FLNB: variants seen among roughly 807,000 people sequenced by gnomAD.
The protein encoded by FLNB is filamin-B.
FLNB carries 111 observed loss-of-function variants against 250.6 expected under a neutral mutation model. The observed-to-expected ratio is 0.44, with a 90% CI of 0.38 to 0.52. FLNB has a LOEUF of 0.52. Among genes scored for constraint, FLNB ranks in the 20% least tolerant of loss-of-function variants. The probability of loss-of-function intolerance (pLI) is 0.00; values close to 1 mark genes in which losing one functional copy is unlikely to be tolerated. For synonymous variants in FLNB, 1,302 were observed against 1,372.1 expected, an observed-to-expected ratio of 0.95 and a Z score of 1.13; for missense variants, 2,869 against 3,447.8, an observed-to-expected ratio of 0.83 and a Z score of 4.20.
chr3:58,108,056 C>T (rs2097262497), intron 12 of FLNB, among the ~76,000 whole-genome samples: 1 of 151,590 alleles, frequency 6.6e-6, no homozygotes. Context: ...CTGGGCCACA[C>T]TGGAAGGAGA....
chr3:58,020,706 A>G (rs1384155187), intron 1 of FLNB, among the ~76,000 whole-genome samples: 1 of 138,724 alleles, frequency 7.2e-6, no homozygotes, highest in African/African-American at 2.9e-5. Flanking sequence ...AGTTTTCTGG[A>G]ATTTCCTTTC....
chr3:58,113,456 G>C (rs56143512), intron 18 of FLNB, among the ~76,000 whole-genome samples: 2 of 151,806 alleles, frequency 1.3e-5, no homozygotes, highest in Non-Finnish European at 2.9e-5. Flanking sequence ...GCAGTCAAGA[G>C]TCAAGTGGGG....
chr3:58,029,506 CTTTTT>C (rs548364805), intron 1 of FLNB, among the ~76,000 whole-genome samples: 1 of 136,500 alleles, frequency 7.3e-6, no homozygotes, highest in African/African-American at 2.7e-5. Flanking sequence ...AATGAGAATT[CTTTTT>C]TTTTTTTTTT....
chr3:58,062,975 C>T (rs1056353196), intron 1 of FLNB, among the ~76,000 whole-genome samples: 8 of 152,176 alleles, frequency 5.3e-5, no homozygotes, highest in South Asian at 2.1e-4. Context: ...ATGGGACAGT[C>T]GTCAGGCAGT....
In FLNB at chr3:58,148,684, C is replaced by T. The variant is rs772706980; in HGVS notation, c.5923C>T (p.Leu1975=). The part of the protein sequence containing the change: ...SFIPREVGEH[L]VSIKKNGNHV... The stretch of plus-strand genomic sequence containing the variant: ...CATCCCCCGGGAAGTGGGCGAACAT[C>T]TGGTCAGCATCAAGAAAAATGGCAA... The change falls in exon 36 of 46, where the codon CTG becomes TTG. Residue 1975 remains leucine, a synonymous_variant. Transcript: ENST00000295956. The T allele has an allele frequency of 1.2e-6, 2 of 1,614,140 alleles. No homozygotes were observed. The highest frequency in any genetic ancestry group is 2.2e-5 in the South Asian group (2 of 91,076).
chr3:58,118,772 C>A, intron 18 of FLNB, 100 bp from the exon 19 acceptor site: 1 of 856,120 alleles, frequency 1.2e-6, no homozygotes, highest in South Asian at 1.3e-5. Flanking sequence ...AATCAAGTCT[C>A]CCCTGTCCGT....
At position 58,053,219 on chromosome 3, in the gene FLNB, GTC is replaced by G. The variant is rs200417533; in HGVS notation, c.293-23825_293-23824del. ...ATGTGATAAACAGGTTTTTAGGTAA[GTC>G]TGTTAATTTCAGAAAGACATTATTA... On this transcript the variant is annotated intron_variant, in intron 1 of 45. Coordinates refer to ENST00000295956, the MANE Select transcript of FLNB (RefSeq NM_001457.4). Among the ~76,000 whole-genome samples the G allele has an allele frequency of 5.9e-5, 9 of 152,260 alleles. No homozygotes were observed. The East Asian group carries it at 1.2e-3, about 20-fold the overall frequency.
At chr3:58,115,551 C>T (rs189066978) in intron 18 of FLNB, among the ~76,000 whole-genome samples, 11 of 152,294 alleles carry the variant, frequency 7.2e-5, no homozygotes, top group African/African-American at 2.2e-4. Context: ...AGCCTAGGTC[C>T]GGTTTTGTCC....
rs553376663 is a variant in FLNB, at chr3:58,129,079, G to C, written c.4223-1662G>C. ...CTGCCACCTTCTAATTTGCTTTCATGGTAATTCTGGGTGCTTAAATATTAG... is the reference window on the plus strand; with the variant it reads ...CTGCCACCTTCTAATTTGCTTTCATCGTAATTCTGGGTGCTTAAATATTAG... On this transcript the variant is annotated intron_variant, in intron 24 of 45. Coordinates refer to ENST00000295956, the MANE Select transcript of FLNB (RefSeq NM_001457.4). Among the ~76,000 whole-genome samples the C allele has an allele frequency of 3.3e-5, 5 of 152,330 alleles. No homozygotes were observed. In the South Asian group the frequency reaches 1.0e-3, roughly 32 times the overall value.
chr3:58,097,769 G>T, intron 6 of FLNB, 46 bp from the exon 7 acceptor site: 1 of 1,581,228 alleles, frequency 6.3e-7, no homozygotes, highest in Non-Finnish European at 8.7e-7. Flanking sequence ...GTCTTGCTGG[G>T]CACAGAGAAG....
At chr3:58,153,315 C>T (rs775463204) in intron 38 of FLNB, 60 bp from the exon 39 acceptor site, 10 of 1,598,292 alleles carry the variant, frequency 6.3e-6, no homozygotes, top group Non-Finnish European at 8.6e-6. Context: ...GCATGTCCTG[C>T]CCTGTCTCAG....
intron 4 of FLNB, among the ~76,000 whole-genome samples, chr3:58,082,189 G>A (rs1160031732): frequency 6.6e-6 from 1 of 152,172 alleles, no homozygotes; most frequent in African/African-American, 2.4e-5. Flanking sequence ...CGGAGTGGGA[G>A]CTATTGTTAA....
intron 1 of FLNB, among the ~76,000 whole-genome samples, chr3:58,030,796 C>T (rs531137582): frequency 1.3e-5 from 2 of 152,170 alleles, no homozygotes; most frequent in East Asian, 3.9e-4. Flanking sequence ...ATCACTTGAG[C>T]CTGGGCACAG....
At chr3:58,118,578 G>A (rs1394549037) in intron 18 of FLNB, among the ~76,000 whole-genome samples, 1 of 152,188 alleles carries the variant, frequency 6.6e-6, no homozygotes, top group African/African-American at 2.4e-5. Flanking sequence ...CCTTAGGACT[G>A]TTTTGATCTT....
At chr3:58,156,390 A>G (rs1217925686) in intron 41 of FLNB, among the ~76,000 whole-genome samples, 4 of 152,254 alleles carry the variant, frequency 2.6e-5, no homozygotes, top group Non-Finnish European at 5.9e-5. Context: ...AGGGATAACA[A>G]GGGCTTTCAA....
chr3:58,091,870 G>C (rs1356782318), intron 4 of FLNB, among the ~76,000 whole-genome samples: 2 of 152,170 alleles, frequency 1.3e-5, no homozygotes, highest in African/African-American at 4.8e-5. Context: ...ATGTTGCTGA[G>C]ACTGGGATCT....
At chr3:58,016,378 C>G (rs1231983208) in intron 1 of FLNB, among the ~76,000 whole-genome samples, 4 of 151,832 alleles carry the variant, frequency 2.6e-5, no homozygotes, top group Admixed American at 6.6e-5. Flanking sequence ...GGGTAGTAAA[C>G]CCAGCCAAAA....
chr3:58,061,239 T>C (rs1459749040), intron 1 of FLNB, among the ~76,000 whole-genome samples: 1 of 152,234 alleles, frequency 6.6e-6, no homozygotes, highest in African/African-American at 2.4e-5. Context: ...AATTCAATTA[T>C]ATTACTTCTG....
intron 34 of FLNB, 45 bp from the exon 35 acceptor site, chr3:58,148,161 G>A: frequency 6.2e-7 from 1 of 1,606,834 alleles, no homozygotes; most frequent in Non-Finnish European, 8.5e-7. Flanking sequence ...GTGAAGCCAG[G>A]GTAACCACAT....
Sources: allele counts gnomAD v4.1 joint callset (sites outside exome capture counted in the v4.1 genomes callset), GRCh38; gene constraint gnomAD v4.1.1; transcripts MANE v1.5; gene names NCBI Gene and HGNC (gene_info 2026-07-23, HGNC 2026-07-21).